The following RBFOX1 variants were observed in gnomAD, a reference collection of about 807,000 sequenced individuals.
RBFOX1 encodes the protein RNA binding fox-1 homolog 1.
In RBFOX1, 8 loss-of-function variants were observed where a neutral mutation model predicts 57.7. The observed-to-expected ratio is 0.14, with a 90% confidence interval of 0.08 to 0.25. The LOEUF is 0.25. Ranked by LOEUF, RBFOX1 falls within the 10% of genes least tolerant of loss-of-function variation. RBFOX1 has a pLI of 1.00. For synonymous variants in RBFOX1, 326 were observed against 222.4 expected, an observed-to-expected ratio of 1.47 and a Z score of -4.15; for missense variants, 611 against 548.5, an observed-to-expected ratio of 1.11 and a Z score of -1.14.
chr16:7,632,991 A>G (rs2061226075), intron 11 of RBFOX1, among the ~76,000 whole-genome samples: 1 of 152,226 alleles, frequency 6.6e-6, no homozygotes. Context: ...AATATTTCCC[A>G]AATTCTCCAT....
At chr16:6,899,097 G>GTA (rs146634785) in intron 3 of RBFOX1, among the ~76,000 whole-genome samples, 1 of 151,440 alleles carries the variant, frequency 6.6e-6, no homozygotes, top group African/African-American at 2.4e-5. Flanking sequence ...TATAATGTGT[G>GTA]TACATCTGTG....
At chr16:6,749,580 C>A (rs773719664) in intron 3 of RBFOX1, among the ~76,000 whole-genome samples, 3 of 152,160 alleles carry the variant, frequency 2.0e-5, no homozygotes, top group Non-Finnish European at 4.4e-5. Context: ...TTCAAAGCTC[C>A]TTCTCTTTTC....
chr16:6,205,914 G>T (rs1476350829), intron 1 of RBFOX1, among the ~76,000 whole-genome samples: 2 of 123,440 alleles, frequency 1.6e-5, no homozygotes. Flanking sequence ...GAAAACAGAT[G>T]ATTTTGATGT....
At chr16:7,007,237 G>T (rs139028260) in intron 3 of RBFOX1, among the ~76,000 whole-genome samples, 2 of 152,282 alleles carry the variant, frequency 1.3e-5, no homozygotes, top group African/African-American at 4.8e-5. Context: ...GCTTCTCTTA[G>T]ATCCTGGGAG....
intron 4 of RBFOX1, among the ~76,000 whole-genome samples, chr16:7,445,889 A>G (rs1346849224): frequency 6.6e-6 from 1 of 152,158 alleles, no homozygotes; most frequent in Non-Finnish European, 1.5e-5. Context: ...TCTCAATTGG[A>G]TGGTGAGTAT....
intron 3 of RBFOX1, among the ~76,000 whole-genome samples, chr16:6,875,063 G>A (rs1031840896): frequency 5.9e-5 from 9 of 151,974 alleles, no homozygotes; most frequent in Admixed American, 3.9e-4. Flanking sequence ...AGAACAGGGC[G>A]AAAAAAATGT....
intron 4 of RBFOX1, among the ~76,000 whole-genome samples, chr16:7,408,525 C>G (rs1417952772): frequency 1.3e-5 from 2 of 152,184 alleles, no homozygotes; most frequent in Non-Finnish European, 1.5e-5. Flanking sequence ...CACTTTTCAT[C>G]TCTCTAGACT....
chr16:5,336,506 C>G (rs960311102), intron 1 of RBFOX1, among the ~76,000 whole-genome samples: 1 of 152,168 alleles, frequency 6.6e-6, no homozygotes, highest in Non-Finnish European at 1.5e-5. Context: ...TCAGAATTAT[C>G]TGTGTGTGGA....
intron 3 of RBFOX1, among the ~76,000 whole-genome samples, chr16:6,972,392 A>C (rs996905578): frequency 1.3e-5 from 2 of 152,024 alleles, no homozygotes; most frequent in African/African-American, 4.8e-5. Context: ...TAATGTCCTC[A>C]GGGTTCATCC....
intron 2 of RBFOX1, among the ~76,000 whole-genome samples, chr16:6,559,637 C>T (rs1341572757): frequency 6.6e-6 from 1 of 151,916 alleles, no homozygotes; most frequent in Non-Finnish European, 1.5e-5. Flanking sequence ...TATACACACA[C>T]ACATATATGT....
chr16:7,216,733 A>C (rs1186242176), intron 4 of RBFOX1, among the ~76,000 whole-genome samples: 1 of 152,070 alleles, frequency 6.6e-6, no homozygotes. Context: ...TGTAATTAGC[A>C]CTCCAGAAGC....
chr16:6,911,289 T>C (rs557684216), intron 3 of RBFOX1, among the ~76,000 whole-genome samples: 5 of 151,508 alleles, frequency 3.3e-5, no homozygotes, highest in African/African-American at 1.2e-4. Flanking sequence ...TTCCACAAAC[T>C]AGGAGGCTTC....
At chr16:7,361,486 C>T (rs1178502733) in intron 4 of RBFOX1, among the ~76,000 whole-genome samples, 2 of 152,294 alleles carry the variant, frequency 1.3e-5, no homozygotes, top group African/African-American at 4.8e-5. Flanking sequence ...CTGCTTGACA[C>T]CCTCCTAGTC....
intron 3 of RBFOX1, among the ~76,000 whole-genome samples, chr16:5,764,277 T>C (rs1305869008): frequency 6.6e-6 from 1 of 152,160 alleles, no homozygotes; most frequent in Non-Finnish European, 1.5e-5. Context: ...ACCAGGAATA[T>C]CTATAACGGC....
chr16:6,105,100 G>C (rs568588969), intron 1 of RBFOX1, among the ~76,000 whole-genome samples: 1 of 152,300 alleles, frequency 6.6e-6, no homozygotes, highest in South Asian at 2.1e-4. Context: ...GACTTTGCCA[G>C]AGCCATATTA....
At chr16:5,969,225 G>C (rs1250423805) in intron 4 of RBFOX1, among the ~76,000 whole-genome samples, 1 of 150,092 alleles carries the variant, frequency 6.7e-6, no homozygotes, top group Non-Finnish European at 1.5e-5. Context: ...TATCTGTAGA[G>C]ATTTTAGTCT....
intron 3 of RBFOX1, among the ~76,000 whole-genome samples, chr16:6,838,200 C>T (rs11077092): frequency 0.45 from 68,537 of 151,626 alleles, 17,886 homozygotes; most frequent in East Asian, 0.87. Context: ...CCCGACAGGC[C>T]CCAGTGTGTA....
chr16:7,665,486 A>T (rs879320098), intron 13 of RBFOX1, among the ~76,000 whole-genome samples: 1 of 152,156 alleles, frequency 6.6e-6, no homozygotes, highest in Admixed American at 6.6e-5. Flanking sequence ...ATGTATGTCA[A>T]ATTGAACATT....
intron 3 of RBFOX1, among the ~76,000 whole-genome samples, chr16:6,862,286 C>T (rs1000264227): frequency 1.3e-5 from 2 of 152,122 alleles, no homozygotes; most frequent in Non-Finnish European, 1.5e-5. Context: ...TTCTGTAGGT[C>T]TGGAGTGGAG....
Sources: gnomAD v4.1 joint callset for allele counts (sites outside exome capture counted in the v4.1 genomes callset) on GRCh38, gnomAD v4.1.1 for gene constraint, MANE v1.5 for transcripts, NCBI Gene and HGNC (gene_info 2026-07-23, HGNC 2026-07-21) for gene names.